The following L3MBTL4 variants were observed in gnomAD, a reference collection of about 807,000 sequenced individuals.
L3MBTL4 encodes L3MBTL histone methyl-lysine binding protein 4, also known as lethal(3)malignant brain tumor-like protein 4.
Under a neutral mutation model 84.5 loss-of-function variants are expected in L3MBTL4, and 70 were observed. The observed-to-expected ratio is 0.83, with a 90% CI of 0.68 to 1.01. The LOEUF (loss-of-function observed/expected upper bound fraction) is 1.01. L3MBTL4 is among the 50% of genes least tolerant of loss of function. The pLI is 0.00. For synonymous variants in L3MBTL4, 274 were observed against 259.8 expected (o/e 1.05, Z -0.52); for missense variants, 715 against 754.8 (o/e 0.95, Z 0.62).
chr18:6,026,513 T>A (rs879084102), intron 16 of L3MBTL4, among the ~76,000 whole-genome samples: 1 of 152,180 alleles, frequency 6.6e-6, no homozygotes, highest in Admixed American at 6.5e-5. Context: ...TACGGTGAGC[T>A]AAAGACAGCA....
intron 4 of L3MBTL4, among the ~76,000 whole-genome samples, chr18:6,270,231 T>C (rs532432827): frequency 3.4e-4 from 52 of 152,358 alleles, no homozygotes; most frequent in Non-Finnish European, 5.9e-4. Context: ...GACTCACATT[T>C]TAGTCCCTCT....
intron 1 of L3MBTL4, among the ~76,000 whole-genome samples, chr18:6,318,712 A>G (rs944197370): frequency 6.6e-6 from 1 of 152,008 alleles, no homozygotes; most frequent in Non-Finnish European, 1.5e-5. Context: ...TGACAGCACT[A>G]GACAGCTCAT....
At chr18:6,054,618 T>C (rs2056951663) in intron 16 of L3MBTL4, among the ~76,000 whole-genome samples, 1 of 152,204 alleles carries the variant, frequency 6.6e-6, no homozygotes, top group South Asian at 2.1e-4. Flanking sequence ...CAGGCCCTGA[T>C]CTCCCAGCCC....
chr18:6,188,034 G>A (rs966629652), intron 12 of L3MBTL4, among the ~76,000 whole-genome samples: 5 of 151,800 alleles, frequency 3.3e-5, no homozygotes, highest in Admixed American at 2.6e-4. Context: ...CCAGCTGAAT[G>A]CTATGTCCAG....
intron 14 of L3MBTL4, among the ~76,000 whole-genome samples, chr18:6,110,801 C>G (rs1483247020): frequency 6.6e-6 from 1 of 152,040 alleles, no homozygotes; most frequent in Non-Finnish European, 1.5e-5. Flanking sequence ...CCTACAGTTA[C>G]TATTTTGTAG....
At chr18:6,055,102 T>G (rs1239148149) in intron 16 of L3MBTL4, among the ~76,000 whole-genome samples, 1 of 152,212 alleles carries the variant, frequency 6.6e-6, no homozygotes, top group Non-Finnish European at 1.5e-5. Flanking sequence ...TTTCATCTCA[T>G]GCCTATTTTC....
At chr18:6,005,718 C>T (rs1018560370) in intron 16 of L3MBTL4, among the ~76,000 whole-genome samples, 7 of 152,042 alleles carry the variant, frequency 4.6e-5, no homozygotes, top group Non-Finnish European at 1.0e-4. Flanking sequence ...TGTACCACAT[C>T]GTCTTTATCC....
At chr18:6,129,461 C>A (rs1455088767) in intron 14 of L3MBTL4, among the ~76,000 whole-genome samples, 1 of 149,610 alleles carries the variant, frequency 6.7e-6, no homozygotes, top group East Asian at 2.0e-4. Context: ...CTTTGGTAAT[C>A]ATTTTTAAAA....
At chr18:6,053,330 G>A (rs896671193) in intron 16 of L3MBTL4, among the ~76,000 whole-genome samples, 3 of 152,142 alleles carry the variant, frequency 2.0e-5, no homozygotes, top group East Asian at 1.9e-4. Context: ...AAGAGGATGC[G>A]AAAATAAGTG....
At chr18:6,269,063 T>C (rs989474876) in intron 4 of L3MBTL4, among the ~76,000 whole-genome samples, 1 of 152,182 alleles carries the variant, frequency 6.6e-6, no homozygotes, top group African/African-American at 2.4e-5. Flanking sequence ...GGAACAGAAA[T>C]TCCAATTTAA....
intron 14 of L3MBTL4, among the ~76,000 whole-genome samples, chr18:6,121,854 T>C (rs1424327203): frequency 3.3e-5 from 5 of 152,276 alleles, no homozygotes; most frequent in African/African-American, 9.6e-5. Context: ...AACAACTGAT[T>C]ATCCAGATGT....
At chr18:6,030,217 G>C (rs756359364) in intron 16 of L3MBTL4, 22 of 881,448 alleles carry the variant, frequency 2.5e-5, no homozygotes, top group Non-Finnish European at 2.9e-5. Flanking sequence ...TATTCCAAGG[G>C]AGGAAACTGA....
chr18:6,191,925 G>C (rs1022847563), intron 12 of L3MBTL4, among the ~76,000 whole-genome samples: 2 of 151,986 alleles, frequency 1.3e-5, no homozygotes, highest in South Asian at 2.1e-4. Flanking sequence ...AGGAGTTTGG[G>C]GCTGCAGTGA....
intron 13 of L3MBTL4, among the ~76,000 whole-genome samples, chr18:6,140,585 C>A (rs969689859): frequency 1.3e-5 from 2 of 152,052 alleles, no homozygotes; most frequent in African/African-American, 4.8e-5. Context: ...ACTTCCCCTC[C>A]TTCCTTTCCA....
At chr18:6,042,384 C>T (rs1243409694) in intron 16 of L3MBTL4, among the ~76,000 whole-genome samples, 1 of 152,038 alleles carries the variant, frequency 6.6e-6, no homozygotes, top group Non-Finnish European at 1.5e-5. Context: ...GACACATACA[C>T]ACACACCAAG....
intron 1 of L3MBTL4, among the ~76,000 whole-genome samples, chr18:6,371,076 G>A (rs1319036279): frequency 1.3e-5 from 2 of 152,130 alleles, no homozygotes; most frequent in Non-Finnish European, 2.9e-5. Context: ...AGTCCAGACT[G>A]TAAATATTAA....
chr18:6,289,169 G>A (rs1314387922), intron 4 of L3MBTL4, among the ~76,000 whole-genome samples: 2 of 152,040 alleles, frequency 1.3e-5, no homozygotes, highest in Non-Finnish European at 2.9e-5. Context: ...GTCTAAACAA[G>A]TTTAAAAAGA....
chr18:6,038,251 C>CTTTTTTTT lies in L3MBTL4; in HGVS notation c.1444+42622_1444+42629dup, dbSNP rs34580980. ...GGATACTAGAAATCCATTTCTGGAT[C>CTTTTTTTT]TTTTTTTTTTTTTTTTTTTTGAGAC... On this transcript the variant is annotated intron_variant, in intron 16 of 18. Coordinates refer to ENST00000317931, the MANE Select transcript of L3MBTL4 (RefSeq NM_001330559.2). Among the ~76,000 whole-genome samples the CTTTTTTTT allele has an allele frequency of 3.2e-3, 313 of 97,822 alleles. 8 individuals carry two copies. Among genetic ancestry groups the CTTTTTTTT allele is most frequent in the Non-Finnish European group, 5.2e-3 (255 of 49,498 alleles). 64.2% of individuals were successfully genotyped at this position (97,822 alleles called of 152,430 possible). A position where few individuals can be genotyped will look rare whatever the true frequency, so the allele number is the denominator to read the frequency against.
At chr18:6,174,864 CAAA>C (rs34787848) in intron 12 of L3MBTL4, among the ~76,000 whole-genome samples, 4 of 58,330 alleles carry the variant, frequency 6.9e-5, no homozygotes, top group African/African-American at 1.0e-4. Flanking sequence ...GAAACTCTGT[CAAA>C]AAAAAAAAAA....
Sources: gnomAD v4.1 joint callset for allele counts (sites outside exome capture counted in the v4.1 genomes callset) on GRCh38, gnomAD v4.1.1 for gene constraint, MANE v1.5 for transcripts, NCBI Gene and HGNC (gene_info 2026-07-23, HGNC 2026-07-21) for gene names.